The following SLC14A1 variants were observed in gnomAD, a reference collection of about 807,000 sequenced individuals.
SLC14A1 encodes the protein urea transporter 1.
SLC14A1 carries 36 observed loss-of-function variants against 39.6 expected under a neutral mutation model. That is an observed-to-expected ratio of 0.91 (90% CI 0.70 to 1.20). The LOEUF is 1.20. SLC14A1 is among the 50% of genes most tolerant of loss of function. SLC14A1 has a pLI of 0.00. For missense variants in SLC14A1, 469 were observed against 478.7 expected, an observed-to-expected ratio of 0.98 and a Z score of 0.19; for synonymous variants, 164 against 173.6, an observed-to-expected ratio of 0.94 and a Z score of 0.43.
Position 45,750,881 on chromosome 18 carries a change from T to A in SLC14A1, c.*930T>A, listed in dbSNP as rs1428353749. 1 of 985,200 alleles carries A rather than the reference T, an allele frequency of 1.0e-6. No individual in the cohort carries two copies. The highest frequency in any genetic ancestry group is 1.7e-5 in the African/African-American group (1 of 57,230). 61.0% of individuals were successfully genotyped at this position (985,200 alleles called of 1,614,324 possible). A position where few individuals can be genotyped will look rare whatever the true frequency, so the allele number is the denominator to read the frequency against. ...CTCCAAAGGGCTCTTTAAAATCATA[T>A]TTTTTATTCATTTGAGGATGTCTTA... is the stretch of plus-strand genomic sequence containing the variant. On this transcript the variant is annotated 3_prime_UTR_variant, in exon 10 of 10. Transcript: ENST00000321925.
chr18:45,734,944 G>A (rs1406206625), intron 5 of SLC14A1, among the ~76,000 whole-genome samples: 2 of 152,150 alleles, frequency 1.3e-5, no homozygotes, highest in African/African-American at 2.4e-5. Flanking sequence ...CAGTTATTTG[G>A]CCTTTTGTCT....
At chr18:45,739,065 T>C in intron 6 of SLC14A1, 98 bp from the exon 7 acceptor site, 1 of 1,212,100 alleles carries the variant, frequency 8.3e-7, no homozygotes, top group Non-Finnish European at 1.2e-6. Flanking sequence ...AGGTAAGGTA[T>C]GTCCAATCTA....
intron 5 of SLC14A1, 119 bp from the exon 6 acceptor site, chr18:45,736,337 C>A: frequency 2.2e-6 from 2 of 916,498 alleles, no homozygotes; most frequent in Non-Finnish European, 3.6e-6. Flanking sequence ...GGCAAATGTG[C>A]CAACACAACA....
At chr18:45,749,341 G>GA (rs1325525814) in intron 9 of SLC14A1, among the ~76,000 whole-genome samples, 2 of 151,996 alleles carry the variant, frequency 1.3e-5, no homozygotes, top group Non-Finnish European at 2.9e-5. Flanking sequence ...AGACAGAATG[G>GA]AAAGAAACAA....
intron 8 of SLC14A1, among the ~76,000 whole-genome samples, chr18:45,743,888 C>G (rs1327671036): frequency 6.6e-6 from 1 of 152,136 alleles, no homozygotes; most frequent in Non-Finnish European, 1.5e-5. Context: ...ACCATTGATA[C>G]TGTATAGAAT....
chr18:45,730,107 C>T (rs2046984065), intron 2 of SLC14A1, 193 bp from the exon 3 acceptor site: 2 of 529,820 alleles, frequency 3.8e-6, no homozygotes, highest in South Asian at 7.2e-5. Context: ...GCATTACAGA[C>T]ACTGATGGCA....
chr18:45,741,400 T>C (rs1568043154), intron 8 of SLC14A1, among the ~76,000 whole-genome samples: 4 of 152,204 alleles, frequency 2.6e-5, no homozygotes, highest in African/African-American at 7.2e-5. Flanking sequence ...GAAATATATG[T>C]CTAGAATCAG....
intron 6 of SLC14A1, among the ~76,000 whole-genome samples, 195 bp from the exon 7 acceptor site, chr18:45,738,968 C>A (rs767036341): frequency 6.6e-6 from 1 of 152,154 alleles, no homozygotes; most frequent in Non-Finnish European, 1.5e-5. Flanking sequence ...GCTGGTGTAT[C>A]TCTGGGGATA....
intron 2 of SLC14A1, chr18:45,726,738 G>A (rs766883141): frequency 3.9e-5 from 6 of 152,674 alleles, no homozygotes; most frequent in South Asian, 2.1e-4. Context: ...CTTACAAAGC[G>A]TGGCTAGTAT....
In SLC14A1 at chr18:45,734,380, G is replaced by A. The variant is rs756218171; in HGVS notation, c.448G>A (p.Val150Ile). ...GDYFWWLLLP[V>I]CAMSMTCPIF... ...CTATTTCTGGTGGCTGTTACTCCCT[G>A]TATGTGCTATGTCCATGACTTGGTA... Residue 150 changes from valine to isoleucine, a missense_variant, in exon 5 of 10, where the codon GTA becomes ATA. Transcript: ENST00000321925. The A allele has an allele frequency of 1.1e-5, 18 of 1,613,398 alleles. No homozygotes were observed. Among genetic ancestry groups the A allele is most frequent in the Middle Eastern group, 3.3e-4 (2 of 6,040 alleles).
chr18:45,724,777 C>T (rs1026295262), intron 1 of SLC14A1, 173 bp from the exon 2 acceptor site: 2 of 152,226 alleles, frequency 1.3e-5, no homozygotes, highest in African/African-American at 4.8e-5. Context: ...CTTGTGCACC[C>T]ATCGGGAGAA....
At chr18:45,740,088 G>A (rs895705983) in intron 8 of SLC14A1, among the ~76,000 whole-genome samples, 3 of 152,208 alleles carry the variant, frequency 2.0e-5, no homozygotes, top group Admixed American at 6.5e-5. Context: ...CTAGAATGGT[G>A]GCACTCACTG....
rs532322336 is a variant in SLC14A1, at chr18:45,735,491, G to C, written c.471-965G>C. ...TTTCAAACCCAAATCCTTCAAACTAGTTTTTATGTTGACAATGTCTTACAT... is the reference window on the plus strand; with the variant it reads ...TTTCAAACCCAAATCCTTCAAACTACTTTTTATGTTGACAATGTCTTACAT... On this transcript the variant is annotated intron_variant, in intron 5 of 9. Coordinates refer to ENST00000321925, the MANE Select transcript of SLC14A1 (RefSeq NM_015865.7). Among the ~76,000 whole-genome samples, 10 of 151,912 alleles carry C rather than the reference G, an allele frequency of 6.6e-5. No individual in the cohort carries two copies. The South Asian group carries it at 2.1e-3, about 32-fold the overall frequency.
At position 45,750,460 on chromosome 18, in the gene SLC14A1, G is replaced by T. The variant is rs2047675681; in HGVS notation, c.*509G>T. The T allele has an allele frequency of 6.7e-6, 7 of 1,043,706 alleles. No homozygotes were observed. In the Admixed American group the frequency reaches 3.0e-4, roughly 45 times the overall value. The allele number at this position is 1,043,706 out of a possible 1,614,324, so 64.7% of individuals were successfully genotyped here. A position where few individuals can be genotyped will look rare whatever the true frequency, so the allele number is the denominator to read the frequency against. ...TTATAGCCAGAATCTGTATCACAGA[G>T]GTGCAAGCTGACAGCAGAGCTCAGT... is the stretch of plus-strand genomic sequence containing the variant. On this transcript the variant is annotated 3_prime_UTR_variant, in exon 10 of 10. Transcript: ENST00000321925.
chr18:45,743,860 C>A (rs2047464100), intron 8 of SLC14A1, among the ~76,000 whole-genome samples: 1 of 152,154 alleles, frequency 6.6e-6, no homozygotes, highest in Non-Finnish European at 1.5e-5. Flanking sequence ...AGAAGGCCCA[C>A]CCCTGATGAC....
At chr18:45,727,136 T>A (rs2046886141) in intron 2 of SLC14A1, 9 of 861,596 alleles carry the variant, frequency 1.0e-5, no homozygotes, top group Non-Finnish European at 1.7e-5. Context: ...TGGGGCCACA[T>A]CTTCCCTCAC....
intron 2 of SLC14A1, among the ~76,000 whole-genome samples, chr18:45,728,839 G>A (rs927263274): frequency 2.0e-5 from 3 of 152,236 alleles, no homozygotes; most frequent in East Asian, 3.9e-4. Context: ...CTGCTTTTTT[G>A]TGTAAAGATT....
intron 4 of SLC14A1, among the ~76,000 whole-genome samples, chr18:45,732,661 T>G (rs1378968597): frequency 6.6e-6 from 1 of 152,184 alleles, no homozygotes; most frequent in Non-Finnish European, 1.5e-5. Context: ...GCTCACTGGC[T>G]ATAGCACCTC....
At chr18:45,730,167 C>A in intron 2 of SLC14A1, 133 bp from the exon 3 acceptor site, 1 of 948,652 alleles carries the variant, frequency 1.1e-6, no homozygotes, top group Non-Finnish European at 1.5e-6. Context: ...GGTGGTGTTT[C>A]AGAAGGAAAA....
Sources: gnomAD v4.1 joint callset for allele counts (sites outside exome capture counted in the v4.1 genomes callset) on GRCh38, gnomAD v4.1.1 for gene constraint, MANE v1.5 for transcripts, NCBI Gene and HGNC (gene_info 2026-07-23, HGNC 2026-07-21) for gene names.